RELN: variants seen among roughly 807,000 people sequenced by gnomAD.
The protein encoded by RELN is reelin.
A neutral mutation model predicts 427.6 loss-of-function variants in RELN; 108 were observed. The observed-to-expected ratio is 0.25, with a 90% CI of 0.22 to 0.30. The LOEUF (loss-of-function observed/expected upper bound fraction) is 0.30, where lower values mean the gene tolerates loss of function less well. Among genes scored for constraint, RELN ranks in the 10% least tolerant of loss-of-function variants. RELN has a pLI of 1.00. For missense variants in RELN, 3,715 were observed against 4,302.8 expected (o/e 0.86, Z 3.82); for synonymous variants, 1,524 against 1,513.4 (o/e 1.01, Z -0.16).
chr7:103,785,718 G>A lies in RELN; in HGVS notation c.474-9091C>T, dbSNP rs538483928. 2.0e-5 allele frequency among the ~76,000 whole-genome samples: 3 copies of A among 152,214 alleles called. No individual in the cohort carries two copies. The East Asian group carries it at 5.8e-4, about 29-fold the overall frequency. On this transcript the variant is annotated intron_variant, in intron 3 of 64. Coordinates refer to ENST00000428762, the MANE Select transcript of RELN (RefSeq NM_005045.4). ...GTGTTAATTTTCTGAGATAGGACTA[G>A]AAATGTTGTGCTATTTATTTTCAGG... is the stretch of plus-strand genomic sequence containing the variant.
rs1756777021 is a variant in RELN at position 103,716,485 on chromosome 7, G to A, written c.805+6655C>T. Among the ~76,000 whole-genome samples, 3 of 152,100 alleles carry A rather than the reference G, an allele frequency of 2.0e-5. No homozygotes were observed. The South Asian group carries it at 6.2e-4, about 32-fold the overall frequency. On this transcript the variant is annotated intron_variant, in intron 8 of 64. Transcript: ENST00000428762. ...TCTTCTCTTTGACAGATGAGTCCCTGGTTAATTGACAAGAAACTGGAAACT... is the reference window on the plus strand; with the variant it reads ...TCTTCTCTTTGACAGATGAGTCCCTAGTTAATTGACAAGAAACTGGAAACT...
intron 2 of RELN, among the ~76,000 whole-genome samples, chr7:103,907,184 G>T (rs141730995): frequency 4.0e-4 from 60 of 151,460 alleles, no homozygotes; most frequent in African/African-American, 1.4e-3. Flanking sequence ...TTGGGAGGCC[G>T]AGGCGGTTGG....
intron 22 of RELN, among the ~76,000 whole-genome samples, chr7:103,606,562 T>C (rs1421999865): frequency 1.3e-5 from 2 of 152,196 alleles, no homozygotes; most frequent in Admixed American, 1.3e-4. Flanking sequence ...TGCTGGTACG[T>C]TGACCAAGTG....
At chr7:103,823,640 C>T (rs988856807) in intron 3 of RELN, among the ~76,000 whole-genome samples, 2 of 151,916 alleles carry the variant, frequency 1.3e-5, no homozygotes, top group Non-Finnish European at 2.9e-5. Flanking sequence ...TATATGTTGC[C>T]TTTAAATTCT....
chr7:103,553,722 A>G lies in RELN; in HGVS notation c.5907T>C (p.Asn1969=), dbSNP rs1314313326. The change falls in exon 39 of 65, where the codon AAT becomes AAC. Residue 1969 remains asparagine, a synonymous_variant. Coordinates refer to ENST00000428762, the MANE Select transcript of RELN (RefSeq NM_005045.4). ...TGTTACCACCAGGATAGAAAAACCA[A>G]TTGTCTTCTCTGGGCCCAAAATCAA... The part of the protein sequence containing the change: ...DTFDFGPRED[N]WFFYPGGNIG... 12 of 1,614,132 alleles carry G rather than the reference A, an allele frequency of 7.4e-6. No individual in the cohort carries two copies. The highest frequency in any genetic ancestry group is 1.7e-5 in the Admixed American group (1 of 60,022).
At chr7:103,904,131 T>C (rs1270974080) in intron 2 of RELN, among the ~76,000 whole-genome samples, 2 of 152,128 alleles carry the variant, frequency 1.3e-5, no homozygotes, top group Non-Finnish European at 2.9e-5. Flanking sequence ...CTGTGTTAGT[T>C]TGCTGAGGAT....
chr7:103,543,883 C>G (rs534547480), intron 42 of RELN, among the ~76,000 whole-genome samples: 16 of 152,096 alleles, frequency 1.1e-4, no homozygotes, highest in Non-Finnish European at 1.6e-4. Flanking sequence ...TTCATGAGCC[C>G]GAAAGGAAAC....
At chr7:103,575,475 A>G in intron 29 of RELN, 73 bp downstream of exon 29, 2 of 1,447,218 alleles carry the variant, frequency 1.4e-6, no homozygotes, top group Non-Finnish European at 1.9e-6. Flanking sequence ...TCTTTGGGAG[A>G]ATAACATGAA....
In RELN at chr7:103,545,645, T is replaced by A. The variant is rs1421419317; in HGVS notation, c.6303-301A>T. On this transcript the variant is annotated intron_variant, in intron 41 of 64. Coordinates refer to ENST00000428762, the MANE Select transcript of RELN (RefSeq NM_005045.4). ...GACTTCTCCATCCTTACTATTTTGT[T>A]TTATTTTTTTTTTTGAGACAGAGTC... Among the ~76,000 whole-genome samples, 1,652 of 150,902 alleles carry A rather than the reference T, an allele frequency of 0.011. 27 individuals are homozygous for A. The highest frequency in any genetic ancestry group is 0.038 in the African/African-American group (1,557 of 41,232).
chr7:103,771,446 AATGCAT>A (rs1248984635), intron 4 of RELN, among the ~76,000 whole-genome samples: 3 of 151,998 alleles, frequency 2.0e-5, no homozygotes, highest in African/African-American at 7.3e-5. Context: ...CTCCCTAATG[AATGCAT>A]TGCCTCCGCA....
At chr7:103,571,068 T>G (rs185425666) in intron 31 of RELN, among the ~76,000 whole-genome samples, 21 of 152,310 alleles carry the variant, frequency 1.4e-4, no homozygotes, top group Non-Finnish European at 2.6e-4. Flanking sequence ...CTAAAAGTAC[T>G]AAGATATTCA....
At chr7:103,796,079 GT>G (rs772663842) in intron 3 of RELN, among the ~76,000 whole-genome samples, 2 of 152,104 alleles carry the variant, frequency 1.3e-5, no homozygotes, top group African/African-American at 2.4e-5. Context: ...TGGAAATCAT[GT>G]TTTTAAACTC....
rs371314307 is a variant in RELN, at chr7:103,842,910, A to G, written c.338-9238T>C. The stretch of plus-strand genomic sequence containing the variant: ...GATGCTGCCTCCCCATTCCTCTCCC[A>G]GAACTACCATTTACTGAATGCCTCT... On this transcript the variant is annotated intron_variant, in intron 2 of 64. Transcript: ENST00000428762. Among the ~76,000 whole-genome samples the G allele has an allele frequency of 4.6e-5, 7 of 152,288 alleles. No homozygotes were observed. The East Asian group carries it at 1.2e-3, about 25-fold the overall frequency.
chr7:103,636,272 G>C lies in RELN; in HGVS notation c.2266C>G (p.Gln756Glu). Reference sequence around the variant, plus strand: ...CTGTCAAGGAAAGATGTAATTAGCTGACGCCGCCCATCTTTGTTGAAAACC... The same window carrying C: ...CTGTCAAGGAAAGATGTAATTAGCTCACGCCGCCCATCTTTGTTGAAAACC... Reference protein sequence around the residue: ...ALVFNKDGRRQLITSFLDSSQ... With the variant: ...ALVFNKDGRRELITSFLDSSQ... Residue 756 changes from glutamine (Q) to glutamate (E), a missense_variant, in exon 18 of 65, where the codon CAG becomes GAG. This residue lies in a region of RELN where 2,208 missense variants were observed against 2,361.7 expected (regional missense o/e 0.93). Coordinates refer to ENST00000428762, the MANE Select transcript of RELN (RefSeq NM_005045.4). The C allele has an allele frequency of 6.2e-7, 1 of 1,613,860 alleles. No homozygotes were observed. The highest frequency in any genetic ancestry group is 8.5e-7 in the Non-Finnish European group (1 of 1,179,902).
At chr7:103,662,192 C>T (rs1322559373) in intron 11 of RELN, among the ~76,000 whole-genome samples, 1 of 152,128 alleles carries the variant, frequency 6.6e-6, no homozygotes, top group African/African-American at 2.4e-5. Flanking sequence ...GATGAAGAAA[C>T]TGAGATGAAG....
At chr7:103,960,993 C>T (rs1279912278) in intron 1 of RELN, among the ~76,000 whole-genome samples, 1 of 152,208 alleles carries the variant, frequency 6.6e-6, no homozygotes, top group Non-Finnish European at 1.5e-5. Flanking sequence ...ACAAGAGGGA[C>T]ATTTAAATTG....
intron 51 of RELN, among the ~76,000 whole-genome samples, chr7:103,510,203 G>A (rs555399002): frequency 6.6e-6 from 1 of 152,198 alleles, no homozygotes; most frequent in Admixed American, 6.5e-5. Flanking sequence ...TGTTTACTGC[G>A]GCACTGTTCA....
In RELN at chr7:103,519,560, G is replaced by A. The variant is rs377026293; in HGVS notation, c.7669-44C>T. 2.6e-5 allele frequency: 37 copies of A among 1,408,232 alleles called. No homozygotes were observed. In the East Asian group the frequency reaches 4.6e-4, roughly 18 times the overall value. 87.2% of individuals were successfully genotyped at this position (1,408,232 alleles called of 1,614,324 possible). On this transcript the variant is annotated intron_variant, in intron 48 of 64. Coordinates refer to ENST00000428762, the MANE Select transcript of RELN (RefSeq NM_005045.4). ...ATAAAAAAAAGTGATAAGGAATCTC[G>A]ATTGCAGATTATAGATTTTCTATGG...
At chr7:103,528,682 C>A (rs986460959) in intron 46 of RELN, among the ~76,000 whole-genome samples, 2 of 151,920 alleles carry the variant, frequency 1.3e-5, no homozygotes, top group Admixed American at 6.5e-5. Flanking sequence ...GCATGCACCA[C>A]CGCGCCCGGC....
Sources: allele counts gnomAD v4.1 joint callset (sites outside exome capture counted in the v4.1 genomes callset), GRCh38; gene constraint gnomAD v4.1.1; regional missense constraint gnomAD v4.1.1; transcripts MANE v1.5; gene names NCBI Gene and HGNC (gene_info 2026-07-23, HGNC 2026-07-21).